NOS3: variants seen among roughly 807,000 people sequenced by gnomAD.
NOS3 encodes NOS type III.
In NOS3, 98 loss-of-function variants were observed where a neutral mutation model predicts 144.9. That is an observed-to-expected ratio of 0.68 (90% CI 0.57 to 0.80). NOS3 has a LOEUF of 0.80. Ranked by LOEUF, NOS3 falls within the 30% of genes least tolerant of loss-of-function variation. NOS3 has a pLI of 0.00. For missense variants in NOS3, 1,465 were observed against 1,656.4 expected, an observed-to-expected ratio of 0.88 and a Z score of 2.01; for synonymous variants, 714 against 702.4, an observed-to-expected ratio of 1.02 and a Z score of -0.26.
chr7:150,998,917 C>T lies in NOS3; in HGVS notation c.817-29C>T, dbSNP rs201145456. 9.4e-6 allele frequency: 15 copies of T among 1,597,742 alleles called. No individual in the cohort carries two copies. The East Asian group carries it at 2.7e-4, about 29-fold the overall frequency. The stretch of plus-strand genomic sequence containing the variant: ...CTGAGGAGGGCATGAGGCTCAGCCC[C>T]AGAACCCCCTCTGGCCCACTCCCCA... On this transcript the variant is annotated intron_variant, in intron 7 of 26. Transcript: ENST00000297494. The surrounding 1 kb of genome is among the most constrained non-coding windows in gnomAD (Gnocchi z 5.0).
chr7:151,013,004 C>T (rs1563235048), intron 24 of NOS3: 1 of 553,772 alleles, frequency 1.8e-6, no homozygotes, highest in South Asian at 2.4e-5. Flanking sequence ...AGCGCAGCTC[C>T]ACCAGGGGCC....
At chr7:151,013,035 C>T in intron 24 of NOS3, 196 bp from the exon 25 acceptor site, 2 of 618,866 alleles carry the variant, frequency 3.2e-6, no homozygotes, top group African/African-American at 3.8e-5. Flanking sequence ...CCGCGCTTCC[C>T]TTCCCTCTGT....
chr7:150,996,574 C>T (rs1328105028), intron 4 of NOS3, 22 bp downstream of exon 4: 3 of 1,578,596 alleles, frequency 1.9e-6, no homozygotes, highest in East Asian at 2.3e-5. Context: ...CCGGACGCCA[C>T]AGCCTCCCTT....
rs1056452452 is a variant in NOS3, at chr7:151,002,791, A to C, written c.1752+487A>C. On this transcript the variant is annotated intron_variant, in intron 14 of 26. Transcript: ENST00000297494. This position sits in a 1 kb window ranked among gnomAD's most constrained non-coding sequence, Gnocchi z 4.1. ...AGAGCTGTACATTTACAACATGTGCAACACTATTCCAGCATTTTATTTTAT... is the reference window on the plus strand; with the variant it reads ...AGAGCTGTACATTTACAACATGTGCCACACTATTCCAGCATTTTATTTTAT... The C allele has an allele frequency of 1.4e-4, 26 of 188,782 alleles. No homozygotes were observed. The highest frequency in any genetic ancestry group is 6.5e-5 in the Non-Finnish European group (6 of 92,016). 11.7% of individuals were successfully genotyped at this position (188,782 alleles called of 1,614,324 possible).
chr7:151,010,202 C>A lies in NOS3; in HGVS notation c.2600C>A (p.Ser867Tyr). The A allele has an allele frequency of 1.2e-6, 2 of 1,612,420 alleles. No homozygotes were observed. Among genetic ancestry groups the A allele is most frequent in the Non-Finnish European group, 1.7e-6 (2 of 1,179,852 alleles). ...QALTFFLDIT[S>Y]PPSPQLLRLL... Reference sequence around the variant, plus strand: ...CTCACCTTCTTCCTGGACATCACCTCCCCACCCAGCCCTCAGCTCTTGCGG... The same window carrying A: ...CTCACCTTCTTCCTGGACATCACCTACCCACCCAGCCCTCAGCTCTTGCGG... The change falls in exon 21 of 27, where the codon TCC (serine) becomes TAC (tyrosine). Residue 867 changes from serine (S) to tyrosine (Y), a missense_variant. Physicochemically the swap from Ser to Tyr is moderately radical, Grantham distance 144. This residue lies in a region of NOS3 where 745 missense variants were observed against 853.9 expected (regional missense o/e 0.87). Transcript: ENST00000297494.
rs3918209 is a variant in NOS3, at chr7:151,013,596, G to A, written c.3256-128G>A. 2.2e-3 allele frequency: 981 copies of A among 437,508 alleles called. 19 individuals carry two copies. In the South Asian group the frequency reaches 0.032, roughly 14 times the overall value. 27.1% of individuals were successfully genotyped at this position (437,508 alleles called of 1,614,324 possible). On this transcript the variant is annotated intron_variant, in intron 25 of 26. Coordinates refer to ENST00000297494, the MANE Select transcript of NOS3 (RefSeq NM_000603.5). Reference sequence around the variant, plus strand: ...CTTTGGCTCTGCCCCTGTTGACACCGCCCCAGGGCACGCAGGCCCCACCAG... The same window carrying A: ...CTTTGGCTCTGCCCCTGTTGACACCACCCCAGGGCACGCAGGCCCCACCAG...
At position 150,998,816 on chromosome 7, in the gene NOS3, T is replaced by G. The variant is rs1584901759; in HGVS notation, c.817-130T>G. ...AGGATGAAAAACACCAAAGGAGGGG[T>G]GCCTGGGTGGTCACGGAGACCCAGC... On this transcript the variant is annotated intron_variant, in intron 7 of 26. Coordinates refer to ENST00000297494, the MANE Select transcript of NOS3 (RefSeq NM_000603.5). This position sits in a 1 kb window ranked among gnomAD's most constrained non-coding sequence, Gnocchi z 5.0. The G allele has an allele frequency of 6.9e-7, 1 of 1,457,126 alleles. No homozygotes were observed. Among genetic ancestry groups the G allele is most frequent in the South Asian group, 1.3e-5 (1 of 76,970 alleles). The allele number at this position is 1,457,126 out of a possible 1,614,324, so 90.3% of individuals were successfully genotyped here. A position where few individuals can be genotyped will look rare whatever the true frequency, so the allele number is the denominator to read the frequency against.
intron 17 of NOS3, among the ~76,000 whole-genome samples, chr7:151,007,927 A>T (rs905382037): frequency 1.3e-5 from 2 of 152,134 alleles, no homozygotes; most frequent in Non-Finnish European, 2.9e-5. Flanking sequence ...CCCAGGCTGG[A>T]GCTCAGCAGA....
In NOS3 at chr7:151,010,855, G is replaced by T. The variant is rs867225; in HGVS notation, c.2897-44G>T. 4 of 1,606,240 alleles carry T rather than the reference G, an allele frequency of 2.5e-6. No individual in the cohort carries two copies. In the African/African-American group the frequency reaches 4.0e-5, roughly 16 times the overall value. On this transcript the variant is annotated intron_variant, in intron 22 of 26. Coordinates refer to ENST00000297494, the MANE Select transcript of NOS3 (RefSeq NM_000603.5). Reference sequence around the variant, plus strand: ...GCCTGGCCACAGCAGGGTTGGGACCGGCCCCTCTCTGGCCCCTCACCGGCC... The same window carrying T: ...GCCTGGCCACAGCAGGGTTGGGACCTGCCCCTCTCTGGCCCCTCACCGGCC...
At chr7:151,011,031 G>A (rs1244608665) in intron 23 of NOS3, 45 bp downstream of exon 23, 1 of 1,435,018 alleles carries the variant, frequency 7.0e-7, no homozygotes, top group Non-Finnish European at 9.8e-7. Context: ...CAGGGTCAGG[G>A]TGGCAGCTTT....
rs893072754 is a variant in NOS3, at chr7:151,002,517, C to T, written c.1752+213C>T. Among the ~76,000 whole-genome samples, 1 of 152,064 alleles carries T rather than the reference C, an allele frequency of 6.6e-6. No homozygotes were observed. The highest frequency in any genetic ancestry group is 6.6e-5 in the Admixed American group (1 of 15,262). On this transcript the variant is annotated intron_variant, in intron 14 of 26. Coordinates refer to ENST00000297494, the MANE Select transcript of NOS3 (RefSeq NM_000603.5). The surrounding 1 kb of genome is among the most constrained non-coding windows in gnomAD (Gnocchi z 4.1). ...CCTGAAACCCCACACAAGCTACGCT[C>T]CCAGCCCACCCATGTGGCTGCCTCC...
rs1166922521 is a variant in NOS3, at chr7:150,993,439, C to T, written c.-51-314C>T. Among the ~76,000 whole-genome samples the T allele has an allele frequency of 6.6e-6, 1 of 152,182 alleles. No individual in the cohort carries two copies. Among genetic ancestry groups the T allele is most frequent in the African/African-American group, 2.4e-5 (1 of 41,454 alleles). On this transcript the variant is annotated intron_variant, in intron 1 of 26. Coordinates refer to ENST00000297494, the MANE Select transcript of NOS3 (RefSeq NM_000603.5). The surrounding 1 kb of genome is among the most constrained non-coding windows in gnomAD (Gnocchi z 4.0). ...AGGCCGAAGGCCCTTCCGTCTGGTG[C>T]CACATCACAGAAGGACCTTTATGAC...
chr7:151,010,338 G>T (rs777972879), intron 21 of NOS3, 51 bp downstream of exon 21: 2 of 1,527,590 alleles, frequency 1.3e-6, no homozygotes, highest in Non-Finnish European at 1.8e-6. Context: ...GGGATGAGCT[G>T]GGGGGACCCC....
chr7:151,003,395 C>A lies in NOS3; in HGVS notation c.1752+1091C>A, dbSNP rs143125350. On this transcript the variant is annotated intron_variant, in intron 14 of 26. Coordinates refer to ENST00000297494, the MANE Select transcript of NOS3 (RefSeq NM_000603.5). The surrounding 1 kb of genome is among the most constrained non-coding windows in gnomAD (Gnocchi z 4.1). ...CCTGCCTCGGCCTCCCAAAGTGCTG[C>A]GATTATAGACGTGAGCCACTGCACC... is the stretch of plus-strand genomic sequence containing the variant. 9.8e-6 allele frequency: 12 copies of A among 1,221,382 alleles called. No homozygotes were observed. The highest frequency in any genetic ancestry group is 2.7e-5 in the Admixed American group (1 of 37,158). The allele number at this position is 1,221,382 out of a possible 1,614,324, so 75.7% of individuals were successfully genotyped here.
intron 17 of NOS3, among the ~76,000 whole-genome samples, chr7:151,008,364 GT>G (rs1337523694): frequency 6.6e-6 from 1 of 152,222 alleles, no homozygotes; most frequent in Non-Finnish European, 1.5e-5. Flanking sequence ...TGGCCCAGCA[GT>G]TTTCCAGCTG....
At position 151,009,002 on chromosome 7, in the gene NOS3, A is replaced by G; in HGVS notation, c.2185A>G (p.Ser729Gly). ...CCGAGACATCTTCAGCCCCAAACGG[A>G]GCTGGAAGCGCCAGAGGTACCGGCT... ...AARDIFSPKR[S>G]WKRQRYRLSA... The change falls in exon 18 of 27, where the codon AGC becomes GGC. Residue 729 changes from serine to glycine, a missense_variant. By Grantham distance (56) the Ser-to-Gly change is moderately conservative. Around this residue, in one of 5 missense-constraint regions of NOS3, gnomAD observed 745 missense variants for 853.9 expected, o/e 0.87. Coordinates refer to ENST00000297494, the MANE Select transcript of NOS3 (RefSeq NM_000603.5). 6.2e-7 allele frequency: 1 copy of G among 1,611,786 alleles called. No individual in the cohort carries two copies. The highest frequency in any genetic ancestry group is 1.7e-4 in the Middle Eastern group (1 of 6,050).
rs1029252009 is a variant in NOS3, at chr7:150,996,996, AG to A, written c.582+73del. Reference sequence around the variant, plus strand: ...GAGCGGGGTGGCGGGGCAGTTCCTAAGGCTTCCCGGGGGCTGGGAGGTCCCA... The same window carrying A: ...GAGCGGGGTGGCGGGGCAGTTCCTAAGCTTCCCGGGGGCTGGGAGGTCCCA... On this transcript the variant is annotated intron_variant, in intron 5 of 26. Transcript: ENST00000297494. 20 of 1,482,626 alleles carry A rather than the reference AG, an allele frequency of 1.3e-5. No homozygotes were observed. In the African/African-American group the frequency reaches 2.4e-4, roughly 18 times the overall value. 91.8% of individuals were successfully genotyped at this position (1,482,626 alleles called of 1,614,324 possible). A position where few individuals can be genotyped will look rare whatever the true frequency, so the allele number is the denominator to read the frequency against.
chr7:151,001,090 T>C lies in NOS3; in HGVS notation c.1234-141T>C, dbSNP rs140602893. ...ATGTGGTTTGGGGTGAGGGTGACAT[T>C]GTGGTTTGAGGGGACACAGGGTGTG... On this transcript the variant is annotated intron_variant, in intron 10 of 26. Coordinates refer to ENST00000297494, the MANE Select transcript of NOS3 (RefSeq NM_000603.5). The C allele has an allele frequency of 3.8e-3, 2,948 of 776,696 alleles. 13 individuals carry two copies. The highest frequency in any genetic ancestry group is 5.4e-3 in the Non-Finnish European group (2,501 of 466,704). The allele number at this position is 776,696 out of a possible 1,614,324, so 48.1% of individuals were successfully genotyped here. A position where few individuals can be genotyped will look rare whatever the true frequency, so the allele number is the denominator to read the frequency against.
In NOS3 at chr7:151,014,316, A is replaced by G; in HGVS notation, c.*147A>G. The G allele has an allele frequency of 1.1e-6, 1 of 893,428 alleles. No homozygotes were observed. Among genetic ancestry groups the G allele is most frequent in the South Asian group, 1.8e-5 (1 of 55,620 alleles). 55.3% of individuals were successfully genotyped at this position (893,428 alleles called of 1,614,324 possible). On this transcript the variant is annotated 3_prime_UTR_variant, in exon 27 of 27. Coordinates refer to ENST00000297494, the MANE Select transcript of NOS3 (RefSeq NM_000603.5). ...TGCAAGGATTCAGCATTATTCCTCCAGGAAGGAGCAAAACGCCTCTTTTCC... is the reference window on the plus strand; with the variant it reads ...TGCAAGGATTCAGCATTATTCCTCCGGGAAGGAGCAAAACGCCTCTTTTCC...
Sources: gnomAD v4.1 joint callset for allele counts (sites outside exome capture counted in the v4.1 genomes callset) on GRCh38, gnomAD v4.1.1 for gene constraint, gnomAD v4.1.1 regional missense constraint, Gnocchi (gnomAD v3.1) non-coding constraint, MANE v1.5 for transcripts, NCBI Gene and HGNC (gene_info 2026-07-23, HGNC 2026-07-21) for gene names.